The following SUCLA2 variants were observed in gnomAD, a reference collection of about 807,000 sequenced individuals.
The protein encoded by SUCLA2 is succinate--CoA ligase [ADP-forming] subunit beta, mitochondrial.
In SUCLA2, 30 loss-of-function variants were observed where a neutral mutation model predicts 54.8. The ratio of observed to expected loss-of-function variants is 0.55; its 90% CI spans 0.41 to 0.74. SUCLA2 has a LOEUF of 0.74. SUCLA2 is among the 30% of genes least tolerant of loss of function. The pLI is 0.00. For synonymous variants in SUCLA2, 172 were observed against 188.9 expected, an observed-to-expected ratio of 0.91 and a Z score of 0.74; for missense variants, 476 against 562.9, an observed-to-expected ratio of 0.85 and a Z score of 1.56.
intron 5 of SUCLA2, among the ~76,000 whole-genome samples, chr13:47,969,548 C>T (rs1012217751): frequency 6.6e-6 from 1 of 152,150 alleles, no homozygotes; most frequent in African/African-American, 2.4e-5. Flanking sequence ...AAGTTTTTTA[C>T]TGGATCAAGC....
In SUCLA2 at chr13:47,978,357, C is replaced by T. The variant is rs527618171; in HGVS notation, c.535-4965G>A. On this transcript the variant is annotated intron_variant, in intron 4 of 10. Coordinates refer to ENST00000646932, the MANE Select transcript of SUCLA2 (RefSeq NM_003850.3). ...AACAGAACAGAGGCCTCAGAAATAA[C>T]GCCACACATCTACAACCATCTGATC... is the stretch of plus-strand genomic sequence containing the variant. 1.2e-4 allele frequency among the ~76,000 whole-genome samples: 18 copies of T among 152,188 alleles called. No individual in the cohort carries two copies. In the South Asian group the frequency reaches 1.2e-3, roughly 11 times the overall value.
intron 4 of SUCLA2, among the ~76,000 whole-genome samples, chr13:47,986,334 G>A (rs1298859341): frequency 6.6e-6 from 1 of 152,098 alleles, no homozygotes; most frequent in East Asian, 1.9e-4. Context: ...CCCAGCCTGT[G>A]TCTTCTTTTG....
At chr13:47,982,550 A>G (rs1449474609) in intron 4 of SUCLA2, among the ~76,000 whole-genome samples, 1 of 152,164 alleles carries the variant, frequency 6.6e-6, no homozygotes, top group Non-Finnish European at 1.5e-5. Context: ...CAAAATGTGC[A>G]CAAATTGTTT....
intron 4 of SUCLA2, among the ~76,000 whole-genome samples, chr13:47,978,087 CTGCCCAAAA>C (rs922281119): frequency 6.6e-6 from 1 of 152,130 alleles, no homozygotes; most frequent in Non-Finnish European, 1.5e-5. Flanking sequence ...AATGGCCATA[CTGCCCAAAA>C]TAATTTATAG....
chr13:47,988,650 G>A lies in SUCLA2; in HGVS notation c.425C>T (p.Thr142Ile), dbSNP rs1170609004. ...SSQMIGKKLF[T>I]KQTGEKGRIC... ...TCTGCCCTTTTCTCCCGTTTGCTTG[G>A]TAAACAATTTTTTCCCAATCATTTG... is the stretch of plus-strand genomic sequence containing the variant. Residue 142 changes from threonine to isoleucine, a missense_variant, in exon 4 of 11, where the codon ACC becomes ATC. By Grantham distance (89) the Thr-to-Ile change is moderately conservative (BLOSUM62 -1). Coordinates refer to ENST00000646932, the MANE Select transcript of SUCLA2 (RefSeq NM_003850.3). 3 of 1,613,688 alleles carry A rather than the reference G, an allele frequency of 1.9e-6. No individual in the cohort carries two copies. In the African/African-American group the frequency reaches 4.0e-5, roughly 22 times the overall value.
chr13:47,994,914 T>C (rs932610326), intron 2 of SUCLA2: 19 of 945,562 alleles, frequency 2.0e-5, no homozygotes, highest in Non-Finnish European at 2.4e-5. Flanking sequence ...TCATTAAGTT[T>C]TTATAAGGCA....
chr13:47,958,592 T>C (rs145718724), intron 6 of SUCLA2, among the ~76,000 whole-genome samples: 371 of 152,314 alleles, frequency 2.4e-3, no homozygotes, highest in African/African-American at 8.5e-3. Flanking sequence ...GATTTTATAT[T>C]TGTCTCTGGT....
intron 8 of SUCLA2, among the ~76,000 whole-genome samples, chr13:47,952,703 TGAATTCTCTTGTG>T (rs767908509): frequency 1.3e-3 from 191 of 152,298 alleles, no homozygotes; most frequent in Non-Finnish European, 2.2e-3. Context: ...GAATTCATTA[TGAATTCTCTTGTG>T]TATGTGCTGG....
At chr13:47,995,790 T>A (rs1950186200) in intron 2 of SUCLA2, among the ~76,000 whole-genome samples, 1 of 152,154 alleles carries the variant, frequency 6.6e-6, no homozygotes, top group African/African-American at 2.4e-5. Context: ...CAGCTCATGG[T>A]TTTCATGCTA....
chr13:47,951,138 T>G (rs532102920), intron 8 of SUCLA2, among the ~76,000 whole-genome samples: 4 of 152,256 alleles, frequency 2.6e-5, no homozygotes, highest in African/African-American at 9.6e-5. Flanking sequence ...GTAGTCAATT[T>G]AAACGAATTA....
intron 1 of SUCLA2, among the ~76,000 whole-genome samples, chr13:47,999,427 G>T (rs1950212141): frequency 6.6e-6 from 1 of 152,182 alleles, no homozygotes; most frequent in East Asian, 1.9e-4. Flanking sequence ...TTTAAAACAG[G>T]CCGGGTGCGG....
chr13:47,945,439 A>AAAAG (rs1479811512), intron 10 of SUCLA2, among the ~76,000 whole-genome samples: 6 of 149,204 alleles, frequency 4.0e-5, no homozygotes, highest in Non-Finnish European at 1.5e-5. Context: ...AAAAAAAAAA[A>AAAAG]AAAAATCAAG....
rs1456928994 is a variant in SUCLA2, at chr13:47,946,100, TCAC to T, written c.1318-2658_1318-2656del. Among the ~76,000 whole-genome samples the T allele has an allele frequency of 2.0e-5, 3 of 152,356 alleles. No individual in the cohort carries two copies. The East Asian group carries it at 5.8e-4, about 29-fold the overall frequency. The stretch of plus-strand genomic sequence containing the variant: ...AAGTAAGCATTTTATCATCTCATTA[TCAC>T]CACAAAGGTGAGTATAGAACAATAA... On this transcript the variant is annotated intron_variant, in intron 10 of 10. Transcript: ENST00000646932.
At chr13:47,970,109 CA>C (rs34021393) in intron 5 of SUCLA2, among the ~76,000 whole-genome samples, 90,697 of 140,062 alleles carry the variant, frequency 0.65, 28,886 homozygotes, top group East Asian at 0.78. Context: ...CTCCCCCCCA[CA>C]AAAAAAAAAA....
chr13:47,994,694 TC>T (rs2137751194), intron 2 of SUCLA2: 1 of 271,600 alleles, frequency 3.7e-6, no homozygotes, highest in Non-Finnish European at 5.6e-6. Flanking sequence ...ATTATTAGTC[TC>T]CCTCCCACAC....
At chr13:47,983,635 G>A (rs1029094022) in intron 4 of SUCLA2, among the ~76,000 whole-genome samples, 4 of 151,880 alleles carry the variant, frequency 2.6e-5, no homozygotes, top group Non-Finnish European at 4.4e-5. Context: ...GACTACAGGC[G>A]CCTGCCGCCA....
intron 5 of SUCLA2, among the ~76,000 whole-genome samples, chr13:47,970,046 G>A (rs913297122): frequency 4.0e-5 from 6 of 148,710 alleles, no homozygotes; most frequent in Non-Finnish European, 6.0e-5. Flanking sequence ...AGGTTGCAGT[G>A]AGCCGAGATC....
chr13:47,976,323 AAT>A (rs1950012711), intron 4 of SUCLA2, among the ~76,000 whole-genome samples: 1 of 152,192 alleles, frequency 6.6e-6, no homozygotes, highest in African/African-American at 2.4e-5. Flanking sequence ...TCTGCAATGA[AAT>A]CAGTAAGAAA....
At chr13:47,996,580 A>G (rs1183936520) in intron 2 of SUCLA2, among the ~76,000 whole-genome samples, 1 of 151,948 alleles carries the variant, frequency 6.6e-6, no homozygotes, top group Non-Finnish European at 1.5e-5. Context: ...CCCCATAATT[A>G]TATTCCAACT....
Sources: gnomAD v4.1 joint callset for allele counts (sites outside exome capture counted in the v4.1 genomes callset) on GRCh38, gnomAD v4.1.1 for gene constraint, MANE v1.5 for transcripts, NCBI Gene and HGNC (gene_info 2026-07-23, HGNC 2026-07-21) for gene names.